Variants in PTPRZ1 observed in about 807,000 individuals in gnomAD.
PTPRZ1 encodes receptor-type tyrosine-protein phosphatase zeta.
PTPRZ1 carries 82 observed loss-of-function variants against 214.1 expected under a neutral mutation model. The ratio of observed to expected loss-of-function variants is 0.38; its 90% CI spans 0.32 to 0.46. The LOEUF (loss-of-function observed/expected upper bound fraction) is 0.46. Ranked by LOEUF, PTPRZ1 falls within the 20% of genes least tolerant of loss-of-function variation. The probability of loss-of-function intolerance (pLI) is 1.00; values close to 1 mark genes in which losing one functional copy is unlikely to be tolerated. For missense variants in PTPRZ1, 2,603 were observed against 2,748.7 expected (o/e 0.95, Z 1.19); for synonymous variants, 945 against 987.9 (o/e 0.96, Z 0.81).
chr7:121,988,778 AAC>A lies in PTPRZ1; in HGVS notation c.928+4665_928+4666del, dbSNP rs1356448673. ...AAGAGCATATGTGTTATTGGCAACA[AAC>A]ACAGAAGGAATGACTGGCTTTAGAT... is the stretch of plus-strand genomic sequence containing the variant. On this transcript the variant is annotated intron_variant, in intron 8 of 29. Coordinates refer to ENST00000393386, the MANE Select transcript of PTPRZ1 (RefSeq NM_002851.3). Among the ~76,000 whole-genome samples, 9 of 152,348 alleles carry A rather than the reference AAC, an allele frequency of 5.9e-5. 1 individual carries two copies. The highest frequency in any genetic ancestry group is 3.9e-4 in the Admixed American group (6 of 15,308).
At chr7:122,022,671 C>T (rs142498626) in intron 13 of PTPRZ1, among the ~76,000 whole-genome samples, 1 of 152,142 alleles carries the variant, frequency 6.6e-6, no homozygotes, top group East Asian at 1.9e-4. Flanking sequence ...TTTGATGAGG[C>T]CAAATTCATC....
At chr7:121,908,366 A>AGCAT in intron 1 of PTPRZ1, 1 of 247,302 alleles carries the variant, frequency 4.0e-6, no homozygotes, top group Non-Finnish European at 8.0e-6. Context: ...TCCCTTTGGA[A>AGCAT]AAGAATATCA....
chr7:121,971,324 A>G (rs1026669311), intron 3 of PTPRZ1, among the ~76,000 whole-genome samples: 2 of 152,234 alleles, frequency 1.3e-5, no homozygotes, highest in African/African-American at 4.8e-5. Flanking sequence ...GAGGTATTTC[A>G]AGGATAGCCT....
chr7:121,908,159 A>G (rs1795171059), intron 1 of PTPRZ1, among the ~76,000 whole-genome samples: 1 of 152,126 alleles, frequency 6.6e-6, no homozygotes, highest in South Asian at 2.1e-4. Flanking sequence ...ATTTGTCTGT[A>G]GAATAATTTC....
At chr7:121,892,151 GA>G (rs1794649758) in intron 1 of PTPRZ1, among the ~76,000 whole-genome samples, 1 of 152,124 alleles carries the variant, frequency 6.6e-6, no homozygotes, top group South Asian at 2.1e-4. Context: ...GCTGTTCCTT[GA>G]AGCAATTGTT....
In PTPRZ1 at chr7:121,997,969, C is replaced by T. The variant is rs755837127; in HGVS notation, c.1203C>T (p.Ser401=). 2.1e-5 allele frequency: 34 copies of T among 1,612,910 alleles called. No individual in the cohort carries two copies. The highest frequency in any genetic ancestry group is 1.5e-4 in the African/African-American group (11 of 74,884). Residue 401 remains serine, a synonymous_variant, in exon 10 of 30, where the codon AGC becomes AGT. Transcript: ENST00000393386. ...CTAATGGCTTATATGGAAAATACAG[C>T]GACCAACTGATTGTCGACATGCCTA... The part of the protein sequence containing the change: ...ICTNGLYGKY[S]DQLIVDMPTD...
At chr7:121,919,834 T>G (rs925281652) in intron 1 of PTPRZ1, among the ~76,000 whole-genome samples, 1 of 142,484 alleles carries the variant, frequency 7.0e-6, no homozygotes, top group Non-Finnish European at 1.5e-5. Flanking sequence ...TTTTAGTAAT[T>G]GATTAACCAA....
At chr7:121,941,784 A>G (rs1457406425) in intron 2 of PTPRZ1, among the ~76,000 whole-genome samples, 1 of 152,166 alleles carries the variant, frequency 6.6e-6, no homozygotes, top group African/African-American at 2.4e-5. Flanking sequence ...TACCAGGTGA[A>G]CTTCTTTACC....
chr7:122,060,602 T>C (rs1456242139), intron 29 of PTPRZ1, among the ~76,000 whole-genome samples: 1 of 152,204 alleles, frequency 6.6e-6, no homozygotes, highest in African/African-American at 2.4e-5. Context: ...GAATGTGAAA[T>C]TCTTCTTATT....
At chr7:121,874,581 C>T (rs1793995008) in intron 1 of PTPRZ1, among the ~76,000 whole-genome samples, 1 of 152,180 alleles carries the variant, frequency 6.6e-6, no homozygotes, top group African/African-American at 2.4e-5. Context: ...ATTAAGCGTA[C>T]ATTTTCATCC....
chr7:122,025,838 GA>G (rs1259237873), intron 13 of PTPRZ1, among the ~76,000 whole-genome samples: 1 of 152,148 alleles, frequency 6.6e-6, no homozygotes, highest in African/African-American at 2.4e-5. Context: ...GTTTAAAGCA[GA>G]ATAGATAAAT....
chr7:122,011,159 G>C lies in PTPRZ1; in HGVS notation c.2113G>C (p.Val705Leu). 2 of 1,614,096 alleles carry C rather than the reference G, an allele frequency of 1.2e-6. No individual in the cohort carries two copies. The highest frequency in any genetic ancestry group is 1.7e-6 in the Non-Finnish European group (2 of 1,180,000). ...CCCAGTGATGTCACAGGGTCCCTCA[G>C]TTACAGATCTGGAAATGCCACATTA... ...AGPVMSQGPS[V>L]TDLEMPHYST... is the part of the protein sequence containing the mutation. The change falls in exon 12 of 30, where the codon GTT (valine) becomes CTT (leucine). Residue 705 changes from valine to leucine, a missense_variant. Physicochemically the swap from Val to Leu is conservative, Grantham distance 32. This residue lies in a region of PTPRZ1 where 1,913 missense variants were observed against 1,914.3 expected (regional missense o/e 1.00). Transcript: ENST00000393386.
Position 122,011,557 on chromosome 7 carries a change from A to G in PTPRZ1, c.2511A>G (p.Thr837=), listed in dbSNP as rs141982430. ...FSSELFRHLH[T]VSQILPQVTS... is the part of the protein sequence containing the mutation. ...GTGAATTGTTTCGCCATCTGCATAC[A>G]GTTTCTCAAATCCTTCCACAAGTTA... The change falls in exon 12 of 30, where the codon ACA becomes ACG. Residue 837 remains threonine (T), a synonymous_variant. Transcript: ENST00000393386. 83 of 1,613,940 alleles carry G rather than the reference A, an allele frequency of 5.1e-5. No individual in the cohort carries two copies. The African/African-American group carries it at 8.5e-4, about 17-fold the overall frequency.
At position 121,906,036 on chromosome 7, in the gene PTPRZ1, G is replaced by A. The variant is rs191686962; in HGVS notation, c.59-22120G>A. Among the ~76,000 whole-genome samples the A allele has an allele frequency of 6.5e-4, 99 of 152,294 alleles. 1 individual carries two copies. The highest frequency in any genetic ancestry group is 2.0e-3 in the African/African-American group (82 of 41,568). The stretch of plus-strand genomic sequence containing the variant: ...TCTCAAATAAAAGCTGTGGTTTTCT[G>A]TGTATATGGTAATACTCTTACCTTC... On this transcript the variant is annotated intron_variant, in intron 1 of 29. Transcript: ENST00000393386.
intron 1 of PTPRZ1, among the ~76,000 whole-genome samples, chr7:121,884,943 C>T (rs938602703): frequency 4.1e-4 from 62 of 152,130 alleles, no homozygotes; most frequent in African/African-American, 8.7e-4. Flanking sequence ...TTCAGTATTA[C>T]GAGCCTCCTT....
At chr7:121,934,075 A>AC (rs1796002873) in intron 2 of PTPRZ1, among the ~76,000 whole-genome samples, 1 of 152,134 alleles carries the variant, frequency 6.6e-6, no homozygotes, top group African/African-American at 2.4e-5. Flanking sequence ...GACCATGGTT[A>AC]CCCCTGGAGA....
At chr7:121,900,830 C>A (rs544539596) in intron 1 of PTPRZ1, among the ~76,000 whole-genome samples, 1 of 152,162 alleles carries the variant, frequency 6.6e-6, no homozygotes, top group East Asian at 1.9e-4. Flanking sequence ...GAAATCTCTA[C>A]CTTCAAAGTC....
At chr7:121,998,027 C>G in intron 10 of PTPRZ1, 21 bp downstream of exon 10, 2 of 1,605,136 alleles carry the variant, frequency 1.2e-6, no homozygotes, top group South Asian at 2.2e-5. Context: ...CCAGATACAT[C>G]TATATATTAA....
chr7:121,961,465 T>G (rs1442839066), intron 2 of PTPRZ1, among the ~76,000 whole-genome samples: 1 of 152,256 alleles, frequency 6.6e-6, no homozygotes, highest in East Asian at 1.9e-4. Flanking sequence ...TGCATTAGTG[T>G]GTCTTGTTAT....
Sources: gnomAD v4.1 joint callset for allele counts (sites outside exome capture counted in the v4.1 genomes callset) on GRCh38, gnomAD v4.1.1 for gene constraint, gnomAD v4.1.1 regional missense constraint, MANE v1.5 for transcripts, NCBI Gene and HGNC (gene_info 2026-07-23, HGNC 2026-07-21) for gene names.